Variants in ARPC2 observed in about 807,000 individuals in gnomAD.
ARPC2 encodes actin related protein 2/3 complex subunit 2, also known as actin-related protein 2/3 complex subunit 2.
In ARPC2, 4 loss-of-function variants were observed where a neutral mutation model predicts 38.6. That is an observed-to-expected ratio of 0.10 (90% confidence interval 0.05 to 0.24). The LOEUF (loss-of-function observed/expected upper bound fraction) is 0.24. Ranked by LOEUF, ARPC2 falls within the 10% of genes least tolerant of loss-of-function variation. The pLI is 1.00. For synonymous variants in ARPC2, 125 were observed against 140.8 expected, an observed-to-expected ratio of 0.89 and a Z score of 0.79; for missense variants, 229 against 387.3, an observed-to-expected ratio of 0.59 and a Z score of 3.43.
chr2:218,249,765 A>T, intron 9 of ARPC2, 56 bp from the exon 10 acceptor site: 4 of 1,496,186 alleles, frequency 2.7e-6, no homozygotes, highest in Non-Finnish European at 3.7e-6. Context: ...GAAAGACAGC[A>T]AAGCTGTCTT....
At chr2:218,241,978 G>A (rs115973695) in intron 7 of ARPC2, among the ~76,000 whole-genome samples, 7 of 152,244 alleles carry the variant, frequency 4.6e-5, no homozygotes, top group South Asian at 2.1e-4. Flanking sequence ...TAAATTTCTC[G>A]GAAAAAGAAT....
chr2:218,218,147 GT>G (rs1255985870), intron 2 of ARPC2, among the ~76,000 whole-genome samples: 1 of 152,110 alleles, frequency 6.6e-6, no homozygotes, highest in Non-Finnish European at 1.5e-5. Flanking sequence ...GGGCCATTTT[GT>G]TACATATTTT....
At chr2:218,246,497 T>G (rs908198332) in intron 8 of ARPC2, among the ~76,000 whole-genome samples, 1 of 151,988 alleles carries the variant, frequency 6.6e-6, no homozygotes, top group African/African-American at 2.4e-5. Context: ...ACCATTGCAC[T>G]CCAGCCTGGA....
chr2:218,220,650 G>C (rs779485618), intron 2 of ARPC2, among the ~76,000 whole-genome samples: 13 of 151,534 alleles, frequency 8.6e-5, no homozygotes, highest in Non-Finnish European at 1.6e-4. Context: ...TCATCCTGCT[G>C]GATCTTCTCA....
At chr2:218,228,418 G>A (rs138020039) in intron 3 of ARPC2, among the ~76,000 whole-genome samples, 17 of 151,726 alleles carry the variant, frequency 1.1e-4, no homozygotes, top group African/African-American at 3.9e-4. Context: ...AAAAAAAATC[G>A]TTGAAGCCTC....
At chr2:218,247,023 G>A (rs1477159317) in intron 8 of ARPC2, among the ~76,000 whole-genome samples, 1 of 152,120 alleles carries the variant, frequency 6.6e-6, no homozygotes, top group East Asian at 1.9e-4. Context: ...TACTTGAGAG[G>A]CTGAGGTGAG....
chr2:218,241,790 G>A (rs1395328819), intron 7 of ARPC2, among the ~76,000 whole-genome samples: 1 of 152,226 alleles, frequency 6.6e-6, no homozygotes, highest in African/African-American at 2.4e-5. Context: ...GGCACTAACA[G>A]GATCTCTGGA....
At chr2:218,239,992 G>A (rs553682995) in intron 7 of ARPC2, among the ~76,000 whole-genome samples, 8 of 150,508 alleles carry the variant, frequency 5.3e-5, no homozygotes, top group African/African-American at 2.0e-4. Flanking sequence ...GTCTTGCTCT[G>A]TCGCCAGGCT....
chr2:218,246,030 G>A, intron 8 of ARPC2, among the ~76,000 whole-genome samples: 1 of 151,908 alleles, frequency 6.6e-6, no homozygotes, highest in Non-Finnish European at 1.5e-5. Context: ...CCTGGCCAAT[G>A]TGGTGAAACT....
chr2:218,218,590 A>G (rs1176000495), intron 2 of ARPC2, among the ~76,000 whole-genome samples: 1 of 152,250 alleles, frequency 6.6e-6, no homozygotes, highest in East Asian at 1.9e-4. Context: ...GGGGCTTCAC[A>G]TCTGGGTTTC....
Position 218,249,368 on chromosome 2 carries a change from G to T in ARPC2, c.681G>T (p.Leu227=), listed in dbSNP as rs1423827737. ...GDNIGYITFV[L]FPRHTNASAR... is the part of the protein sequence containing the mutation. ...GTTTGTGTCTTCCGCCTTCAGTGCT[G>T]TTCCCTCGTCACACCAATGCCAGTG... Residue 227 remains leucine (L), a synonymous_variant, in exon 9 of 11, where the codon CTG becomes CTT. Transcript: ENST00000315717. The T allele has an allele frequency of 1.2e-6, 2 of 1,611,684 alleles. No homozygotes were observed. Among genetic ancestry groups the T allele is most frequent in the African/African-American group, 2.7e-5 (2 of 74,880 alleles).
At chr2:218,244,076 G>C (rs1014364276) in intron 7 of ARPC2, among the ~76,000 whole-genome samples, 1 of 152,224 alleles carries the variant, frequency 6.6e-6, no homozygotes, top group Non-Finnish European at 1.5e-5. Context: ...GTTTTCTAGA[G>C]AAGGGCGATT....
At chr2:218,253,778 C>G in intron 10 of ARPC2, 113 bp from the exon 11 acceptor site, 1 of 1,343,326 alleles carries the variant, frequency 7.4e-7, no homozygotes. Context: ...AGGAATCTAG[C>G]CCTTTCCACC....
At chr2:218,241,887 G>T (rs1356255576) in intron 7 of ARPC2, among the ~76,000 whole-genome samples, 3 of 152,182 alleles carry the variant, frequency 2.0e-5, no homozygotes, top group African/African-American at 7.2e-5. Flanking sequence ...TAGGTAATTT[G>T]TTGGAAATGA....
chr2:218,245,342 A>G (rs1690006353), intron 7 of ARPC2, 78 bp from the exon 8 acceptor site: 1 of 1,590,846 alleles, frequency 6.3e-7, no homozygotes, highest in Non-Finnish European at 8.6e-7. Flanking sequence ...CACACCACAT[A>G]GAACAAACCC....
intron 8 of ARPC2, 54 bp downstream of exon 8, chr2:218,245,600 G>A (rs1184067084): frequency 6.2e-7 from 1 of 1,605,264 alleles, no homozygotes; most frequent in Non-Finnish European, 8.5e-7. Context: ...TCACACAGCA[G>A]AATACCTAAA....
chr2:218,250,751 A>G (rs1020016810), intron 10 of ARPC2, among the ~76,000 whole-genome samples: 2 of 151,950 alleles, frequency 1.3e-5, no homozygotes, highest in Non-Finnish European at 2.9e-5. Context: ...GAGCCTAGAG[A>G]GTTCCATCTT....
At chr2:218,224,815 A>C (rs1237843134) in intron 2 of ARPC2, among the ~76,000 whole-genome samples, 1 of 152,202 alleles carries the variant, frequency 6.6e-6, no homozygotes, top group Admixed American at 6.5e-5. Context: ...TCTGGCTTCT[A>C]TATCAGCTTT....
intron 9 of ARPC2, 165 bp downstream of exon 9, chr2:218,249,629 C>T (rs1195254944): frequency 5.4e-6 from 4 of 735,544 alleles, no homozygotes; most frequent in Admixed American, 5.9e-5. Context: ...AAGCCACTGT[C>T]CCCCATCCCT....
Sources: gnomAD v4.1 joint callset for allele counts (sites outside exome capture counted in the v4.1 genomes callset) on GRCh38, gnomAD v4.1.1 for gene constraint, MANE v1.5 for transcripts, NCBI Gene and HGNC (gene_info 2026-07-23, HGNC 2026-07-21) for gene names.